Variants in ITSN1 observed in about 807,000 individuals in gnomAD.
ITSN1 encodes the protein intersectin-1.
Under a neutral mutation model 239.8 loss-of-function variants are expected in ITSN1, and 58 were observed. The ratio of observed to expected loss-of-function variants is 0.24; its 90% CI spans 0.20 to 0.30. The LOEUF is 0.30. Among genes scored for constraint, ITSN1 ranks in the 10% least tolerant of loss-of-function variants. The pLI is 1.00. For missense variants in ITSN1, 1,558 were observed against 2,103.3 expected, an observed-to-expected ratio of 0.74 and a Z score of 5.07; for synonymous variants, 780 against 770.8, an observed-to-expected ratio of 1.01 and a Z score of -0.20.
intron 1 of ITSN1, among the ~76,000 whole-genome samples, chr21:33,644,654 ATT>A (rs34233415): frequency 8.6e-5 from 12 of 138,814 alleles, no homozygotes; most frequent in Admixed American, 1.4e-4. Context: ...CGCTGTTAGC[ATT>A]TTTTTTTTTT....
intron 33 of ITSN1, among the ~76,000 whole-genome samples, chr21:33,868,766 G>C (rs987112258): frequency 3.3e-5 from 5 of 152,202 alleles, no homozygotes; most frequent in Admixed American, 6.5e-5. Context: ...GGGGCTCCCA[G>C]AGTGCAGTGG....
chr21:33,871,559 T>C (rs1982743271), intron 33 of ITSN1, among the ~76,000 whole-genome samples: 1 of 151,886 alleles, frequency 6.6e-6, no homozygotes, highest in Non-Finnish European at 1.5e-5. Flanking sequence ...CTGGCCAACA[T>C]GGTGAAGCCC....
chr21:33,687,398 TAAAAA>T (rs58230508), intron 1 of ITSN1, among the ~76,000 whole-genome samples: 2,135 of 81,330 alleles, frequency 0.026, 42 homozygotes, highest in African/African-American at 0.11. Context: ...AACTCCATCT[TAAAAA>T]AAAAAAAAAA....
At chr21:33,702,309 G>T (rs1000229760) in intron 1 of ITSN1, among the ~76,000 whole-genome samples, 1 of 151,878 alleles carries the variant, frequency 6.6e-6, no homozygotes, top group South Asian at 2.1e-4. Flanking sequence ...TAGAGATGGG[G>T]TTTTGCCATG....
intron 7 of ITSN1, chr21:33,754,120 T>G (rs1465239062): frequency 6.6e-6 from 1 of 152,098 alleles, no homozygotes; most frequent in East Asian, 1.9e-4. Context: ...AGCAACTAGA[T>G]AGTTAGCTTC....
intron 1 of ITSN1, among the ~76,000 whole-genome samples, chr21:33,718,397 C>T (rs1042939864): frequency 6.6e-6 from 1 of 152,102 alleles, no homozygotes; most frequent in African/African-American, 2.4e-5. Flanking sequence ...GAAATTATGT[C>T]TATACTAAAC....
rs376529235 is a variant in ITSN1, at chr21:33,721,579, T to G, written c.121+309T>G. Among the ~76,000 whole-genome samples, 151 of 151,974 alleles carry G rather than the reference T, an allele frequency of 9.9e-4. 1 individual carries two copies. Among genetic ancestry groups the G allele is most frequent in the African/African-American group, 3.4e-3 (140 of 41,468 alleles). On this transcript the variant is annotated intron_variant, in intron 3 of 39. Transcript: ENST00000381318. ...GGGAGGCCGAGGTGGGCAGATCCCTTGAGGTCAGGAGTTCCAAACCAGCCT... is the reference window on the plus strand; with the variant it reads ...GGGAGGCCGAGGTGGGCAGATCCCTGGAGGTCAGGAGTTCCAAACCAGCCT...
intron 1 of ITSN1, among the ~76,000 whole-genome samples, chr21:33,645,721 A>C (rs1652214697): frequency 6.6e-6 from 1 of 152,206 alleles, no homozygotes; most frequent in South Asian, 2.1e-4. Flanking sequence ...TCAGAATCAG[A>C]CAGCTAGAGG....
At chr21:33,767,611 C>A (rs935723478) in intron 10 of ITSN1, 102 bp from the exon 11 acceptor site, 1 of 542,326 alleles carries the variant, frequency 1.8e-6, no homozygotes, top group African/African-American at 1.9e-5. Context: ...GAAATTTGCT[C>A]CATGGCATGG....
intron 1 of ITSN1, among the ~76,000 whole-genome samples, chr21:33,716,998 G>A (rs182938693): frequency 6.5e-4 from 98 of 151,404 alleles, no homozygotes; most frequent in Non-Finnish European, 3.1e-4. Flanking sequence ...GGAACCCAGA[G>A]GAATCCAATG....
rs1444155693 is a variant in ITSN1 at position 33,824,930 on chromosome 21, CTT to C, written c.3183+1280_3183+1281del. Among the ~76,000 whole-genome samples the C allele has an allele frequency of 5.3e-5, 8 of 152,270 alleles. No homozygotes were observed. In the East Asian group the frequency reaches 1.5e-3, roughly 29 times the overall value. On this transcript the variant is annotated intron_variant, in intron 25 of 39. Coordinates refer to ENST00000381318, the MANE Select transcript of ITSN1 (RefSeq NM_003024.3). The stretch of plus-strand genomic sequence containing the variant: ...CCTGCGAGACAGCTGGCATATTGGA[CTT>C]TTCAGACCTGGAAACAGAGAATTCA...
intron 1 of ITSN1, chr21:33,689,428 A>C (rs930025158): frequency 2.6e-5 from 4 of 152,024 alleles, no homozygotes. Flanking sequence ...TAATCCCAGC[A>C]CTTTTTGGGA....
At chr21:33,821,462 A>G (rs2073670875) in intron 24 of ITSN1, among the ~76,000 whole-genome samples, 1 of 152,244 alleles carries the variant, frequency 6.6e-6, no homozygotes, top group Non-Finnish European at 1.5e-5. Flanking sequence ...TAAACCAGAT[A>G]AAATAGATGA....
At chr21:33,710,745 C>T (rs2092390765) in intron 1 of ITSN1, among the ~76,000 whole-genome samples, 1 of 147,476 alleles carries the variant, frequency 6.8e-6, no homozygotes, top group Non-Finnish European at 1.5e-5. Flanking sequence ...TGTATTATTT[C>T]TTCTTTGAAA....
intron 5 of ITSN1, among the ~76,000 whole-genome samples, chr21:33,738,645 C>G (rs2066652017): frequency 6.6e-6 from 1 of 151,880 alleles, no homozygotes; most frequent in Non-Finnish European, 1.5e-5. Flanking sequence ...TGTGATCCAC[C>G]CGCCTCGGCC....
intron 16 of ITSN1, among the ~76,000 whole-genome samples, chr21:33,792,207 T>C (rs961072406): frequency 6.6e-6 from 1 of 152,100 alleles, no homozygotes; most frequent in Non-Finnish European, 1.5e-5. Context: ...GTACCTTTTT[T>C]ATTTTTTATT....
At chr21:33,694,741 C>G (rs1019870569) in intron 1 of ITSN1, among the ~76,000 whole-genome samples, 3 of 152,110 alleles carry the variant, frequency 2.0e-5, no homozygotes, top group African/African-American at 7.2e-5. Flanking sequence ...ATTACTTGAA[C>G]CTGGGAGGCG....
At position 33,717,765 on chromosome 21, in the gene ITSN1, T is replaced by C. The variant is rs374458537; in HGVS notation, c.-32-1032T>C. 8.1e-3 allele frequency among the ~76,000 whole-genome samples: 1,238 copies of C among 152,118 alleles called. 9 individuals are homozygous for C. Among genetic ancestry groups the C allele is most frequent in the Middle Eastern group, 0.017 (5 of 294 alleles). On this transcript the variant is annotated intron_variant, in intron 1 of 39. Coordinates refer to ENST00000381318, the MANE Select transcript of ITSN1 (RefSeq NM_003024.3). ...TGTGTTTCCAGTAGAGATGGGGTTTTACCGTGTTAGCTAGGATGGTCTCGA... is the reference window on the plus strand; with the variant it reads ...TGTGTTTCCAGTAGAGATGGGGTTTCACCGTGTTAGCTAGGATGGTCTCGA...
rs746718196 is a variant in ITSN1, at chr21:33,810,919, C to T, written c.2320-56C>T. 2.0e-5 allele frequency: 32 copies of T among 1,607,406 alleles called. No homozygotes were observed. In the South Asian group the frequency reaches 3.5e-4, roughly 18 times the overall value. The stretch of plus-strand genomic sequence containing the variant: ...CTTGGGACTTCACTGTAGTTGGGTG[C>T]TGGGTCTATTCAGGGGTTAATTTAG... On this transcript the variant is annotated intron_variant, in intron 20 of 39. Transcript: ENST00000381318.
Sources: allele counts gnomAD v4.1 joint callset (sites outside exome capture counted in the v4.1 genomes callset), GRCh38; gene constraint gnomAD v4.1.1; transcripts MANE v1.5; gene names NCBI Gene and HGNC (gene_info 2026-07-23, HGNC 2026-07-21).